VEGFC: variants seen among roughly 807,000 people sequenced by gnomAD.
The protein encoded by VEGFC is FLT4 ligand DHM.
A neutral mutation model predicts 46.1 loss-of-function variants in VEGFC; 12 were observed. The observed-to-expected ratio is 0.26, with a 90% CI of 0.17 to 0.42. VEGFC has a LOEUF of 0.42. Ranked by LOEUF, VEGFC falls within the 10% of genes least tolerant of loss-of-function variation. VEGFC has a pLI of 1.00. For synonymous variants in VEGFC, 232 were observed against 195.5 expected, an observed-to-expected ratio of 1.19 and a Z score of -1.56; for missense variants, 488 against 529.4, an observed-to-expected ratio of 0.92 and a Z score of 0.77.
intron 3 of VEGFC, among the ~76,000 whole-genome samples, chr4:176,715,801 T>C (rs1446171266): frequency 6.6e-6 from 1 of 152,188 alleles, no homozygotes; most frequent in African/African-American, 2.4e-5. Context: ...TAGAAGTGCA[T>C]TATAAACTTG....
intron 1 of VEGFC, among the ~76,000 whole-genome samples, chr4:176,759,142 A>G (rs913571099): frequency 2.0e-5 from 3 of 152,228 alleles, no homozygotes; most frequent in African/African-American, 7.2e-5. Context: ...TGGAACTGTC[A>G]GGATAAATTT....
chr4:176,743,578 C>T (rs1422592529), intron 1 of VEGFC, among the ~76,000 whole-genome samples: 4 of 148,426 alleles, frequency 2.7e-5, no homozygotes, highest in South Asian at 2.1e-4. Flanking sequence ...TATATTATAC[C>T]GATATATAAA....
rs1331648823 is a variant in VEGFC, at chr4:176,723,482, GGGGTCCATGTGCAGGTTTGT to G, written c.552+4276_552+4295del. Among the ~76,000 whole-genome samples the G allele has an allele frequency of 9.6e-4, 129 of 133,960 alleles. 12 individuals carry two copies. Among genetic ancestry groups the G allele is most frequent in the African/African-American group, 3.3e-3 (103 of 30,836 alleles). The allele number at this position is 133,960 out of a possible 152,430, so 87.9% of individuals were successfully genotyped here. A position where few individuals can be genotyped will look rare whatever the true frequency, so the allele number is the denominator to read the frequency against. On this transcript the variant is annotated intron_variant, in intron 3 of 6. Transcript: ENST00000618562. ...GGTTTGGGGTTTTATTTTAGGTTTG[GGGGTCCATGTGCAGGTTTGT>G]GGGTCCATGTGCAGGTTTGTGACAT...
At chr4:176,690,328 C>CT (rs201626928) in intron 4 of VEGFC, among the ~76,000 whole-genome samples, 1,646 of 140,874 alleles carry the variant, frequency 0.012, 10 homozygotes, top group Admixed American at 0.027. Context: ...CAGCAAGTTT[C>CT]TTTTTTTTTT....
At chr4:176,684,497 C>T (rs1008595441) in intron 6 of VEGFC, among the ~76,000 whole-genome samples, 4 of 152,150 alleles carry the variant, frequency 2.6e-5, no homozygotes, top group Admixed American at 2.0e-4. Context: ...AGCAGCCCCA[C>T]CCTCACTCTT....
chr4:176,757,866 G>A (rs921755876), intron 1 of VEGFC, among the ~76,000 whole-genome samples: 1 of 151,696 alleles, frequency 6.6e-6, no homozygotes, highest in Non-Finnish European at 1.5e-5. Flanking sequence ...TTATATTCAG[G>A]GAAAGTATAG....
intron 1 of VEGFC, among the ~76,000 whole-genome samples, chr4:176,775,315 A>AT (rs1735796772): frequency 6.6e-6 from 1 of 152,238 alleles, no homozygotes; most frequent in African/African-American, 2.4e-5. Context: ...AGAATAAATA[A>AT]TTTAAACAAG....
chr4:176,755,058 A>G (rs1735409031), intron 1 of VEGFC, among the ~76,000 whole-genome samples: 5 of 152,012 alleles, frequency 3.3e-5, no homozygotes, highest in Admixed American at 6.6e-5. Context: ...AGTAATTTCT[A>G]TATTTCACAG....
At chr4:176,755,010 A>G (rs183614144) in intron 1 of VEGFC, among the ~76,000 whole-genome samples, 11 of 152,186 alleles carry the variant, frequency 7.2e-5, no homozygotes, top group African/African-American at 2.6e-4. Context: ...TGAACTTAAG[A>G]GCATTGTCTG....
At position 176,792,844 on chromosome 4, in the gene VEGFC, A is replaced by G. The variant is rs1311406132; in HGVS notation, c.-533T>C. The G allele has an allele frequency of 1.4e-5, 2 of 144,226 alleles. No homozygotes were observed. The highest frequency in any genetic ancestry group is 5.0e-5 in the African/African-American group (2 of 39,634). The allele number at this position is 144,226 out of a possible 1,614,324, so 8.9% of individuals were successfully genotyped here. On this transcript the variant is annotated 5_prime_UTR_variant, in exon 1 of 7. Transcript: ENST00000618562. The surrounding 1 kb of genome is among the most constrained non-coding windows in gnomAD (Gnocchi z 6.3). ...GCGGCTGGCGGCGGCGGGGCCCGGG[A>G]GCGCCGCGGCGCAGGATCCTCCAGA...
At chr4:176,770,815 T>A (rs1735708569) in intron 1 of VEGFC, among the ~76,000 whole-genome samples, 1 of 152,034 alleles carries the variant, frequency 6.6e-6, no homozygotes, top group South Asian at 2.1e-4. Context: ...ACTTTTCTTG[T>A]TTTTCCACAT....
intron 3 of VEGFC, among the ~76,000 whole-genome samples, chr4:176,721,161 T>G (rs577524468): frequency 1.3e-5 from 2 of 152,120 alleles, no homozygotes; most frequent in South Asian, 2.1e-4. Context: ...GGAAAAGCAT[T>G]GACATTTGAG....
chr4:176,776,044 G>A (rs1735808724), intron 1 of VEGFC, among the ~76,000 whole-genome samples: 3 of 152,074 alleles, frequency 2.0e-5, no homozygotes, highest in South Asian at 2.1e-4. Flanking sequence ...AAGAATGTTA[G>A]GTTATAAACA....
At chr4:176,717,137 G>A (rs1734713152) in intron 3 of VEGFC, among the ~76,000 whole-genome samples, 1 of 152,020 alleles carries the variant, frequency 6.6e-6, no homozygotes, top group African/African-American at 2.4e-5. Context: ...ATATTAACTT[G>A]TGTCCAATGT....
chr4:176,687,839 A>G lies in VEGFC; in HGVS notation c.793T>C (p.Ser265Pro). The G allele has an allele frequency of 6.2e-7, 1 of 1,612,824 alleles. No individual in the cohort carries two copies. Among genetic ancestry groups the G allele is most frequent in the Admixed American group, 1.7e-5 (1 of 59,828 alleles). Residue 265 changes from serine (S) to proline (P), a missense_variant, in exon 5 of 7, where the codon TCC becomes CCC. Ser to Pro is a moderately conservative substitution (Grantham distance 74). Coordinates refer to ENST00000618562, the MANE Select transcript of VEGFC (RefSeq NM_005429.5). ...TGCTTACCATCTCCAGCATCCGAGG[A>G]AAACATAAAATCTTCCTGAGCCAGG... ...RCLAQEDFMF[S>P]SDAGDDSTDG...
chr4:176,782,223 T>C (rs965759423), intron 1 of VEGFC, among the ~76,000 whole-genome samples: 1 of 152,160 alleles, frequency 6.6e-6, no homozygotes, highest in African/African-American at 2.4e-5. Context: ...TCCCAGCACT[T>C]TGGGAGGCCA....
intron 4 of VEGFC, among the ~76,000 whole-genome samples, chr4:176,699,124 G>T (rs1734379068): frequency 1.3e-5 from 2 of 152,164 alleles, no homozygotes. Flanking sequence ...TTTTAATAAG[G>T]TTTTTCACAA....
intron 4 of VEGFC, among the ~76,000 whole-genome samples, chr4:176,704,989 G>T (rs1239361279): frequency 6.6e-6 from 1 of 151,970 alleles, no homozygotes; most frequent in African/African-American, 2.4e-5. Context: ...CACCTTATTA[G>T]TATCTAGCAG....
intron 1 of VEGFC, among the ~76,000 whole-genome samples, chr4:176,784,980 G>C (rs1262327432): frequency 2.0e-5 from 3 of 151,984 alleles, no homozygotes; most frequent in African/African-American, 7.3e-5. Flanking sequence ...CCACTGCACT[G>C]CATCTCTAAA....
Sources: gnomAD v4.1 joint callset for allele counts (sites outside exome capture counted in the v4.1 genomes callset) on GRCh38, gnomAD v4.1.1 for gene constraint, Gnocchi (gnomAD v3.1) non-coding constraint, MANE v1.5 for transcripts, NCBI Gene and HGNC (gene_info 2026-07-23, HGNC 2026-07-21) for gene names.